The following MUSK variants were observed in gnomAD, a reference collection of about 807,000 sequenced individuals.
MUSK encodes muscle, skeletal receptor tyrosine-protein kinase.
A neutral mutation model predicts 88.7 loss-of-function variants in MUSK; 55 were observed. That is an observed-to-expected ratio of 0.62 (90% CI 0.50 to 0.78). The LOEUF (loss-of-function observed/expected upper bound fraction) is 0.78, where lower values mean the gene tolerates loss of function less well. Ranked by LOEUF, MUSK falls within the 30% of genes least tolerant of loss-of-function variation. The pLI, the probability that MUSK is intolerant of heterozygous loss-of-function variation, is 0.00. For synonymous variants in MUSK, 387 were observed against 391.9 expected (o/e 0.99, Z 0.15); for missense variants, 1,015 against 1,074.3 (o/e 0.94, Z 0.77).
intron 7 of MUSK, among the ~76,000 whole-genome samples, chr9:110,757,821 G>A (rs1326856599): frequency 6.6e-6 from 1 of 151,862 alleles, no homozygotes; most frequent in Non-Finnish European, 1.5e-5. Context: ...ATATACATAT[G>A]TATGCATTAA....
chr9:110,764,438 G>C (rs957479528), intron 8 of MUSK, among the ~76,000 whole-genome samples: 14 of 152,260 alleles, frequency 9.2e-5, no homozygotes, highest in African/African-American at 3.1e-4. Flanking sequence ...TGTTCCAGTT[G>C]GCCTCTGTGT....
chr9:110,744,096 T>C (rs573410407), intron 6 of MUSK, among the ~76,000 whole-genome samples: 64 of 151,906 alleles, frequency 4.2e-4, no homozygotes, highest in Non-Finnish European at 8.7e-4. Flanking sequence ...GCCTCTGGAG[T>C]AGCTGGGACT....
intron 6 of MUSK, among the ~76,000 whole-genome samples, chr9:110,738,718 C>T (rs542319947): frequency 6.6e-6 from 1 of 152,250 alleles, no homozygotes; most frequent in African/African-American, 2.4e-5. Flanking sequence ...ATAACTGGTG[C>T]AAGAGAGCTC....
chr9:110,747,817 C>T lies in MUSK; in HGVS notation c.913+17C>T, dbSNP rs1374943732. The stretch of plus-strand genomic sequence containing the variant: ...GCATAGCAGGTAGGATGCCCCTTCA[C>T]ATTTGCGTTGTTCCAGGAGAGGGGA... On this transcript the variant is annotated intron_variant, in intron 7 of 14. Transcript: ENST00000374448. 6.2e-7 allele frequency: 1 copy of T among 1,612,710 alleles called. No individual in the cohort carries two copies. The highest frequency in any genetic ancestry group is 8.5e-7 in the Non-Finnish European group (1 of 1,178,878).
chr9:110,745,776 A>G (rs1232499215), intron 6 of MUSK, among the ~76,000 whole-genome samples: 9 of 152,208 alleles, frequency 5.9e-5, no homozygotes, highest in African/African-American at 2.2e-4. Context: ...ACTTGATCTG[A>G]CCTGGAAAGA....
chr9:110,759,247 A>G (rs1056776520), intron 7 of MUSK, among the ~76,000 whole-genome samples: 1 of 152,218 alleles, frequency 6.6e-6, no homozygotes, highest in Non-Finnish European at 1.5e-5. Context: ...TCCCTATTTA[A>G]TAAATGGTGC....
chr9:110,801,153 T>C lies in MUSK; in HGVS notation c.*165T>C, dbSNP rs1041031585. 3.7e-6 allele frequency: 2 copies of C among 542,248 alleles called. No homozygotes were observed. Among genetic ancestry groups the C allele is most frequent in the East Asian group, 6.0e-5 (2 of 33,322 alleles). 33.6% of individuals were successfully genotyped at this position (542,248 alleles called of 1,614,324 possible). A position where few individuals can be genotyped will look rare whatever the true frequency, so the allele number is the denominator to read the frequency against. On this transcript the variant is annotated 3_prime_UTR_variant, in exon 15 of 15. Transcript: ENST00000374448. ...GAGAGCAAAGACAGTGCAAAACCCA[T>C]GTGGTAGACGGACCCATTGAAAGCC... is the stretch of plus-strand genomic sequence containing the variant.
chr9:110,675,535 T>G (rs2076015554), intron 1 of MUSK, among the ~76,000 whole-genome samples: 1 of 141,518 alleles, frequency 7.1e-6, no homozygotes. Context: ...CATTGCCTCT[T>G]AATGTGTAGT....
At chr9:110,696,377 T>C (rs2076430489) in intron 4 of MUSK, among the ~76,000 whole-genome samples, 1 of 152,226 alleles carries the variant, frequency 6.6e-6, no homozygotes, top group Non-Finnish European at 1.5e-5. Flanking sequence ...CATTATTGTC[T>C]TTCCATCTTT....
chr9:110,689,515 A>C (rs369921637), intron 3 of MUSK, among the ~76,000 whole-genome samples: 6 of 76,364 alleles, frequency 7.9e-5, no homozygotes, highest in East Asian at 5.6e-4. Flanking sequence ...TTATATATAA[A>C]TATATACAAC....
At position 110,800,623 on chromosome 9, in the gene MUSK, A is replaced by G. The variant is rs1224878179; in HGVS notation, c.2245A>G (p.Asn749Asp). Residue 749 changes from asparagine (N) to aspartate (D), a missense_variant, in exon 15 of 15, where the codon AAC (asparagine) becomes GAC (aspartate). Coordinates refer to ENST00000374448, the MANE Select transcript of MUSK (RefSeq NM_005592.4). ...AATTGCCGACTTTGGCCTCTCCAGG[A>G]ACATCTACTCAGCAGACTACTACAA... ...VKIADFGLSRNIYSADYYKAN... is the reference protein window; with the variant it reads ...VKIADFGLSRDIYSADYYKAN... 2 of 1,613,838 alleles carry G rather than the reference A, an allele frequency of 1.2e-6. No individual in the cohort carries two copies. Among genetic ancestry groups the G allele is most frequent in the Non-Finnish European group, 8.5e-7 (1 of 1,179,890 alleles).
At chr9:110,688,559 C>G (rs2076227807) in intron 3 of MUSK, among the ~76,000 whole-genome samples, 1 of 151,964 alleles carries the variant, frequency 6.6e-6, no homozygotes, top group Non-Finnish European at 1.5e-5. Context: ...CAGATCATCC[C>G]ATCACCTAGG....
intron 4 of MUSK, among the ~76,000 whole-genome samples, chr9:110,695,923 GAAGAA>G (rs1564225663): frequency 2.0e-5 from 3 of 152,066 alleles, no homozygotes; most frequent in Non-Finnish European, 4.4e-5. Flanking sequence ...ACAAGGTTCG[GAAGAA>G]AAGAAATGAG....
Position 110,781,307 on chromosome 9 carries a change from C to T in MUSK, c.1385-3508C>T, listed in dbSNP as rs539140057. On this transcript the variant is annotated intron_variant, in intron 11 of 14. Transcript: ENST00000374448. Reference sequence around the variant, plus strand: ...TTTTGTTTTGTTTGAGACGGAGTCTCACTCTGTCGCCCAGGCTGGAGTGCA... The same window carrying T: ...TTTTGTTTTGTTTGAGACGGAGTCTTACTCTGTCGCCCAGGCTGGAGTGCA... Among the ~76,000 whole-genome samples, 30 of 151,326 alleles carry T rather than the reference C, an allele frequency of 2.0e-4. No individual in the cohort carries two copies. The South Asian group carries it at 4.8e-3, about 24-fold the overall frequency.
intron 1 of MUSK, among the ~76,000 whole-genome samples, chr9:110,673,738 G>A (rs573515810): frequency 6.6e-6 from 1 of 152,260 alleles, no homozygotes; most frequent in East Asian, 1.9e-4. Flanking sequence ...CTGCATCTGT[G>A]TATTGAGTGA....
At chr9:110,791,129 A>G (rs2077967648) in intron 14 of MUSK, among the ~76,000 whole-genome samples, 1 of 152,104 alleles carries the variant, frequency 6.6e-6, no homozygotes. Flanking sequence ...GAATAGGAAC[A>G]GCTCCGGTCT....
chr9:110,781,445 T>G (rs1397359471), intron 11 of MUSK, among the ~76,000 whole-genome samples: 2 of 151,974 alleles, frequency 1.3e-5, no homozygotes, highest in Non-Finnish European at 2.9e-5. Context: ...CCCAGCTAAT[T>G]TTTTGTATTT....
intron 5 of MUSK, among the ~76,000 whole-genome samples, chr9:110,725,506 A>T (rs1034613089): frequency 6.6e-6 from 1 of 152,040 alleles, no homozygotes; most frequent in African/African-American, 2.4e-5. Context: ...TTTACCTTGG[A>T]TGTTGAAGTG....
chr9:110,773,951 T>C (rs1187232779), intron 9 of MUSK, among the ~76,000 whole-genome samples: 10 of 152,220 alleles, frequency 6.6e-5, no homozygotes. Context: ...CATTGTTTTC[T>C]TTCATGTAAT....
Sources: allele counts gnomAD v4.1 joint callset (sites outside exome capture counted in the v4.1 genomes callset), GRCh38; gene constraint gnomAD v4.1.1; transcripts MANE v1.5; gene names NCBI Gene and HGNC (gene_info 2026-07-23, HGNC 2026-07-21).